Variants in TNNI1 observed in about 807,000 individuals in gnomAD.
TNNI1 encodes the protein troponin I, slow skeletal muscle.
A neutral mutation model predicts 26.7 loss-of-function variants in TNNI1; 14 were observed. The ratio of observed to expected loss-of-function variants is 0.52; its 90% CI spans 0.35 to 0.82. The LOEUF (loss-of-function observed/expected upper bound fraction) is 0.82. Among genes scored for constraint, TNNI1 ranks in the 40% least tolerant of loss-of-function variants. TNNI1 has a pLI of 0.01. For missense variants in TNNI1, 164 were observed against 257.0 expected, an observed-to-expected ratio of 0.64 and a Z score of 2.47; for synonymous variants, 79 against 98.2, an observed-to-expected ratio of 0.80 and a Z score of 1.16.
At chr1:201,419,958 A>T (rs963351888) in intron 1 of TNNI1, among the ~76,000 whole-genome samples, 34 of 152,218 alleles carry the variant, frequency 2.2e-4, no homozygotes, top group Admixed American at 2.0e-4. Context: ...ACACTGAGGA[A>T]GTCCAAAGGA....
rs1662575698 is a variant in TNNI1 at position 201,408,738 on chromosome 1, A to C, written c.*515T>G. ...CCTGGCAAGCAGCCACCAATTCCTTAGCCCTCCCTTCAGATCCCGAGCTCC... is the reference window on the plus strand; with the variant it reads ...CCTGGCAAGCAGCCACCAATTCCTTCGCCCTCCCTTCAGATCCCGAGCTCC... On this transcript the variant is annotated 3_prime_UTR_variant, in exon 9 of 9. Transcript: ENST00000361379. The C allele has an allele frequency of 6.6e-6, 1 of 152,330 alleles. No homozygotes were observed. Among genetic ancestry groups the C allele is most frequent in the African/African-American group, 2.4e-5 (1 of 41,424 alleles). The allele number at this position is 152,330 out of a possible 1,614,324, so 9.4% of individuals were successfully genotyped here. A position where few individuals can be genotyped will look rare whatever the true frequency, so the allele number is the denominator to read the frequency against.
At chr1:201,415,105 G>T in intron 4 of TNNI1, 108 bp downstream of exon 4, 2 of 1,027,546 alleles carry the variant, frequency 1.9e-6, no homozygotes, top group South Asian at 1.4e-5. Flanking sequence ...CCTCACTCTG[G>T]CCTCCTTCCT....
intron 3 of TNNI1, among the ~76,000 whole-genome samples, chr1:201,415,582 C>G (rs1662721026): frequency 6.6e-6 from 1 of 152,112 alleles, no homozygotes; most frequent in South Asian, 2.1e-4. Context: ...AGGACCCCCC[C>G]CCTTACTTAG....
intron 8 of TNNI1, chr1:201,409,921 A>C (rs1269061328): frequency 6.2e-6 from 1 of 161,146 alleles, no homozygotes; most frequent in Non-Finnish European, 1.3e-5. Flanking sequence ...CCTCTAACCT[A>C]GTGGTTCTCA....
chr1:201,417,742 C>T, intron 2 of TNNI1, 41 bp downstream of exon 2: 1 of 1,313,294 alleles, frequency 7.6e-7, no homozygotes, highest in Non-Finnish European at 9.8e-7. Flanking sequence ...GGCAAAGGGA[C>T]TTGCCTTCCT....
chr1:201,419,011 T>A (rs1431261470), intron 1 of TNNI1, among the ~76,000 whole-genome samples: 2 of 152,126 alleles, frequency 1.3e-5, no homozygotes, highest in Non-Finnish European at 2.9e-5. Context: ...GAAAAATAAC[T>A]AATGGGTACG....
chr1:201,410,311 C>G lies in TNNI1; in HGVS notation c.*2+15G>C, dbSNP rs1436372685. ...CTCTGATGGACCCCAGAGAAGGGAG[C>G]TGGTCTCTAGGTACCTCTATTGTGA... is the stretch of plus-strand genomic sequence containing the variant. On this transcript the variant is annotated intron_variant, in intron 8 of 8. Coordinates refer to ENST00000361379, the MANE Select transcript of TNNI1 (RefSeq NM_003281.4). The G allele has an allele frequency of 6.2e-7, 1 of 1,610,102 alleles. No individual in the cohort carries two copies. Among genetic ancestry groups the G allele is most frequent in the East Asian group, 2.2e-5 (1 of 44,838 alleles).
At chr1:201,417,994 C>T (rs1662782528) in intron 1 of TNNI1, among the ~76,000 whole-genome samples, 182 bp from the exon 2 acceptor site, 1 of 151,800 alleles carries the variant, frequency 6.6e-6, no homozygotes, top group Admixed American at 6.6e-5. Flanking sequence ...TAACTACAGC[C>T]CATAAGCCTG....
intron 2 of TNNI1, among the ~76,000 whole-genome samples, chr1:201,417,413 T>C (rs745641431): frequency 6.6e-6 from 1 of 152,090 alleles, no homozygotes; most frequent in East Asian, 1.9e-4. Flanking sequence ...AGCCTTAGCG[T>C]AGGGTTCCAG....
rs1360453551 is a variant in TNNI1 at position 201,410,637 on chromosome 1, G to A, written c.457-202C>T. Among the ~76,000 whole-genome samples, 3 of 152,212 alleles carry A rather than the reference G, an allele frequency of 2.0e-5. No individual in the cohort carries two copies. The East Asian group carries it at 5.8e-4, about 29-fold the overall frequency. On this transcript the variant is annotated intron_variant, in intron 7 of 8. Coordinates refer to ENST00000361379, the MANE Select transcript of TNNI1 (RefSeq NM_003281.4). Reference sequence around the variant, plus strand: ...CCCACAGGAAAAAGGAAGCTGTGTGGCTTGGGAGCACTGGGTGAAAGTGGC... The same window carrying A: ...CCCACAGGAAAAAGGAAGCTGTGTGACTTGGGAGCACTGGGTGAAAGTGGC...
intron 2 of TNNI1, among the ~76,000 whole-genome samples, chr1:201,417,361 C>T (rs1662761337): frequency 6.6e-6 from 1 of 152,072 alleles, no homozygotes. Flanking sequence ...TTGGGAGGTA[C>T]TGGGCATCGT....
intron 6 of TNNI1, among the ~76,000 whole-genome samples, chr1:201,412,027 C>T (rs1662643962): frequency 6.6e-6 from 1 of 152,238 alleles, no homozygotes; most frequent in African/African-American, 2.4e-5. Flanking sequence ...CAGACCCACC[C>T]ATCCCTTTGC....
chr1:201,417,000 G>T, intron 3 of TNNI1, 116 bp downstream of exon 3: 1 of 1,234,800 alleles, frequency 8.1e-7, no homozygotes, highest in Non-Finnish European at 1.2e-6. Context: ...ACACCCCCTG[G>T]ACTCCCACCA....
intron 1 of TNNI1, among the ~76,000 whole-genome samples, chr1:201,421,430 G>A (rs1662854557): frequency 1.3e-5 from 2 of 152,176 alleles, no homozygotes; most frequent in Admixed American, 6.5e-5. Flanking sequence ...TCTGCTCCTT[G>A]CTCACAGCCT....
chr1:201,412,731 C>T (rs1662659566), intron 6 of TNNI1, among the ~76,000 whole-genome samples: 1 of 152,262 alleles, frequency 6.6e-6, no homozygotes, highest in Admixed American at 6.5e-5. Flanking sequence ...AAGCACTTCA[C>T]AAAGGTAAGA....
At chr1:201,415,315 G>T (rs554829544) in intron 3 of TNNI1, 61 bp from the exon 4 acceptor site, 2 of 1,567,610 alleles carry the variant, frequency 1.3e-6, no homozygotes, top group Non-Finnish European at 1.8e-6. Flanking sequence ...TGGAATTCTG[G>T]TCTAGGACAA....
intron 5 of TNNI1, among the ~76,000 whole-genome samples, chr1:201,413,430 A>AAACAAACAAACAAAC (rs113503132): frequency 1.3e-5 from 2 of 151,142 alleles, no homozygotes; most frequent in Non-Finnish European, 2.9e-5. Flanking sequence ...CCGTCTCAAA[A>AAACAAACAAACAAAC]AAACAAACAA....
rs1035344605 is a variant in TNNI1 at position 201,407,587 on chromosome 1, T to C, written c.*1666A>G. ...GAAGATAATACATGGGATTCGAAGG[T>C]AGAATGGGGACTCAGTAGGGTGGGT... On this transcript the variant is annotated 3_prime_UTR_variant, in exon 9 of 9. Transcript: ENST00000361379. The C allele has an allele frequency of 1.3e-5, 2 of 152,118 alleles. No individual in the cohort carries two copies. Among genetic ancestry groups the C allele is most frequent in the African/African-American group, 4.8e-5 (2 of 41,364 alleles). 9.4% of individuals were successfully genotyped at this position (152,118 alleles called of 1,614,324 possible).
Position 201,411,306 on chromosome 1 carries a change from G to A in TNNI1, c.456+51C>T, listed in dbSNP as rs1026087025. On this transcript the variant is annotated intron_variant, in intron 7 of 8. Transcript: ENST00000361379. This position sits in a 1 kb window ranked among gnomAD's most constrained non-coding sequence, Gnocchi z 4.6. ...TGAGGCCATGTGAGGGGTTGACAAG[G>A]GGAAAGCTGGTAGGGCAGAGGGTGG... 2.5e-6 allele frequency: 4 copies of A among 1,600,468 alleles called. No homozygotes were observed. The highest frequency in any genetic ancestry group is 3.4e-6 in the Non-Finnish European group (4 of 1,173,792).
Sources: allele counts gnomAD v4.1 joint callset (sites outside exome capture counted in the v4.1 genomes callset), GRCh38; gene constraint gnomAD v4.1.1; non-coding constraint Gnocchi (gnomAD v3.1); transcripts MANE v1.5; gene names NCBI Gene and HGNC (gene_info 2026-07-23, HGNC 2026-07-21).